The following C1QTNF7 variants were observed in gnomAD, a reference collection of about 807,000 sequenced individuals.
The protein encoded by C1QTNF7 is C1q and TNF related 7, also known as complement C1q tumor necrosis factor-related protein 7.
Under a neutral mutation model 19.6 loss-of-function variants are expected in C1QTNF7, and 15 were observed. That is an observed-to-expected ratio of 0.76 (90% confidence interval 0.51 to 1.18). The LOEUF is 1.18. Among genes scored for constraint, C1QTNF7 ranks in the 50% most tolerant of loss-of-function variants. C1QTNF7 has a pLI of 0.00. For missense variants in C1QTNF7, 324 were observed against 359.7 expected (o/e 0.90, Z 0.80); for synonymous variants, 142 against 137.5 (o/e 1.03, Z -0.23).
intron 1 of C1QTNF7, among the ~76,000 whole-genome samples, chr4:15,388,303 C>A (rs1718417011): frequency 1.3e-5 from 2 of 152,112 alleles, no homozygotes; most frequent in African/African-American, 4.8e-5. Flanking sequence ...TTGAGGTGAA[C>A]CATCATATGT....
intron 1 of C1QTNF7, among the ~76,000 whole-genome samples, chr4:15,366,139 CTG>C (rs956343421): frequency 6.6e-6 from 1 of 152,206 alleles, no homozygotes; most frequent in Admixed American, 6.5e-5. Flanking sequence ...ACACAATTTA[CTG>C]TCTCACTCAA....
At chr4:15,349,848 T>C (rs991170495) in intron 1 of C1QTNF7, among the ~76,000 whole-genome samples, 3 of 152,174 alleles carry the variant, frequency 2.0e-5, no homozygotes, top group Non-Finnish European at 2.9e-5. Context: ...AAAGATGTTT[T>C]GTGTAGTAAA....
At chr4:15,350,338 G>GGGAGGGAGGGAA (rs1560337692) in intron 1 of C1QTNF7, among the ~76,000 whole-genome samples, 1 of 93,638 alleles carries the variant, frequency 1.1e-5, no homozygotes, top group Non-Finnish European at 2.1e-5. Context: ...AAAGAAAGGA[G>GGGAGGGAGGGAA]GGAGGGAGGG....
intron 1 of C1QTNF7, among the ~76,000 whole-genome samples, chr4:15,397,938 C>T (rs1396708441): frequency 6.6e-6 from 1 of 152,208 alleles, no homozygotes; most frequent in Non-Finnish European, 1.5e-5. Flanking sequence ...TGCAAGAGCA[C>T]CCAGTGGAAT....
chr4:15,402,586 G>A (rs1004075875), intron 1 of C1QTNF7, among the ~76,000 whole-genome samples: 1 of 152,104 alleles, frequency 6.6e-6, no homozygotes, highest in Non-Finnish European at 1.5e-5. Context: ...GGAGGCTAGG[G>A]GTGGAAGGGA....
At chr4:15,407,033 C>T (rs954270828) in intron 1 of C1QTNF7, among the ~76,000 whole-genome samples, 1 of 152,080 alleles carries the variant, frequency 6.6e-6, no homozygotes, top group African/African-American at 2.4e-5. Context: ...TTTTAAATCC[C>T]ATCTCAACAG....
At chr4:15,433,627 T>C (rs932432489) in intron 1 of C1QTNF7, among the ~76,000 whole-genome samples, 1 of 152,156 alleles carries the variant, frequency 6.6e-6, no homozygotes. Flanking sequence ...AACAATTCTG[T>C]GGGAAATGAT....
chr4:15,428,772 A>G (rs1044910375), intron 1 of C1QTNF7, among the ~76,000 whole-genome samples: 1 of 152,222 alleles, frequency 6.6e-6, no homozygotes, highest in African/African-American at 2.4e-5. Context: ...TGCCACTCCC[A>G]GTGCAACAAG....
intron 1 of C1QTNF7, among the ~76,000 whole-genome samples, chr4:15,395,869 G>C (rs1318671231): frequency 1.3e-5 from 2 of 152,166 alleles, no homozygotes; most frequent in African/African-American, 2.4e-5. Context: ...CATCTGGCCA[G>C]TCAGTGGTGG....
At chr4:15,435,707 T>A (rs565955774) in intron 1 of C1QTNF7, 29 bp from the exon 2 acceptor site, 1 of 1,611,904 alleles carries the variant, frequency 6.2e-7, no homozygotes, top group Admixed American at 1.7e-5. Flanking sequence ...CACAGAAAGT[T>A]CATTTACGTC....
intron 1 of C1QTNF7, among the ~76,000 whole-genome samples, chr4:15,431,397 G>C (rs1402122526): frequency 1.3e-5 from 2 of 152,004 alleles, no homozygotes; most frequent in Admixed American, 1.3e-4. Flanking sequence ...AGGGAACCTG[G>C]GTATCCAGAA....
rs1719195873 is a variant in C1QTNF7 at position 15,406,376 on chromosome 4, GCA to G, written c.14-29356_14-29355del. ...TTGGGATAACAGGCTAAGGGTAGAA[GCA>G]CACTGAGGACACCCCATAGTGCTAC... On this transcript the variant is annotated intron_variant, in intron 1 of 2. Coordinates refer to the C1QTNF7 transcript ENST00000295297. Among the ~76,000 whole-genome samples the G allele has an allele frequency of 7.9e-5, 12 of 152,312 alleles. No individual in the cohort carries two copies. The South Asian group carries it at 2.5e-3, about 32-fold the overall frequency.
At chr4:15,394,422 C>A (rs1718703182) in intron 1 of C1QTNF7, among the ~76,000 whole-genome samples, 1 of 152,210 alleles carries the variant, frequency 6.6e-6, no homozygotes, top group Non-Finnish European at 1.5e-5. Context: ...AGGTATTCAC[C>A]ACATATTGTT....
At chr4:15,389,004 T>G (rs1034347676) in intron 1 of C1QTNF7, among the ~76,000 whole-genome samples, 5 of 152,094 alleles carry the variant, frequency 3.3e-5, no homozygotes, top group Non-Finnish European at 5.9e-5. Context: ...GAAAACAGCC[T>G]CCACCTGGTG....
In C1QTNF7 at chr4:15,370,106, C is replaced by T. The variant is rs1383509683; in HGVS notation, c.13+29899C>T. 3.3e-5 allele frequency among the ~76,000 whole-genome samples: 5 copies of T among 151,804 alleles called. No individual in the cohort carries two copies. The East Asian group carries it at 9.7e-4, about 29-fold the overall frequency. ...GTACTCATGTCGATTTTTTTTAATT[C>T]TATGATTATTATAGTGATATAAGAT... On this transcript the variant is annotated intron_variant, in intron 1 of 2. Transcript: ENST00000295297.
intron 1 of C1QTNF7, among the ~76,000 whole-genome samples, chr4:15,401,146 G>A (rs866512181): frequency 6.6e-6 from 1 of 152,180 alleles, no homozygotes; most frequent in Admixed American, 6.5e-5. Flanking sequence ...GCACAATAGC[G>A]AGGGGGAAGG....
intron 1 of C1QTNF7, among the ~76,000 whole-genome samples, chr4:15,392,643 G>A (rs188479304): frequency 8.5e-5 from 13 of 152,302 alleles, no homozygotes; most frequent in Admixed American, 2.6e-4. Flanking sequence ...CTCAGGCACC[G>A]GCAGAAGGAG....
intron 2 of C1QTNF7, among the ~76,000 whole-genome samples, chr4:15,438,601 C>T (rs1253475161): frequency 6.6e-6 from 1 of 152,202 alleles, no homozygotes; most frequent in Non-Finnish European, 1.5e-5. Flanking sequence ...CCTCACTGGT[C>T]TGTTGCAATT....
At chr4:15,429,603 G>A (rs140818035) in intron 1 of C1QTNF7, among the ~76,000 whole-genome samples, 32 of 152,284 alleles carry the variant, frequency 2.1e-4, no homozygotes, top group East Asian at 1.2e-3. Flanking sequence ...TCCATTGTAC[G>A]TGTAGACCAG....
Sources: allele counts gnomAD v4.1 joint callset (sites outside exome capture counted in the v4.1 genomes callset), GRCh38; gene constraint gnomAD v4.1.1; transcripts MANE v1.5; gene names NCBI Gene and HGNC (gene_info 2026-07-23, HGNC 2026-07-21).